The following GALNT18 variants were observed in gnomAD, a reference collection of about 807,000 sequenced individuals.
GALNT18 encodes the protein GalNAc-transferase 18.
Under a neutral mutation model 69.5 loss-of-function variants are expected in GALNT18, and 44 were observed. That is an observed-to-expected ratio of 0.63 (90% confidence interval 0.50 to 0.81). GALNT18 has a LOEUF of 0.81. Ranked by LOEUF, GALNT18 falls within the 40% of genes least tolerant of loss-of-function variation. The pLI is 0.00. For synonymous variants in GALNT18, 364 were observed against 318.2 expected, an observed-to-expected ratio of 1.14 and a Z score of -1.53; for missense variants, 715 against 810.0, an observed-to-expected ratio of 0.88 and a Z score of 1.42.
intron 8 of GALNT18, among the ~76,000 whole-genome samples, chr11:11,328,443 G>A (rs904342920): frequency 5.3e-5 from 8 of 152,216 alleles, no homozygotes; most frequent in African/African-American, 1.9e-4. Context: ...CAGGGCCTTT[G>A]TACTCCTGAT....
Position 11,496,262 on chromosome 11 carries a change from T to C in GALNT18, c.236-47326A>G, listed in dbSNP as rs1306996367. The stretch of plus-strand genomic sequence containing the variant: ...CTGACTTCATTTGATTGCAACCCTC[T>C]GCCTGAAAAATGACAGGCCCCTCTT... On this transcript the variant is annotated intron_variant, in intron 1 of 10. Coordinates refer to ENST00000227756, the MANE Select transcript of GALNT18 (RefSeq NM_198516.3). This position sits in a 1 kb window ranked among gnomAD's most constrained non-coding sequence, Gnocchi z 4.0. Among the ~76,000 whole-genome samples the C allele has an allele frequency of 6.6e-6, 1 of 152,202 alleles. No homozygotes were observed. Among genetic ancestry groups the C allele is most frequent in the African/African-American group, 2.4e-5 (1 of 41,456 alleles).
Position 11,523,071 on chromosome 11 carries a change from C to A in GALNT18, c.236-74135G>T, listed in dbSNP as rs552126468. ...TGCCAAGAAAGTAGCAATTTACATG[C>A]TTTTTCTTATTACAAGCCCTTTCAT... is the stretch of plus-strand genomic sequence containing the variant. On this transcript the variant is annotated intron_variant, in intron 1 of 10. Transcript: ENST00000227756. This position sits in a 1 kb window ranked among gnomAD's most constrained non-coding sequence, Gnocchi z 4.3. Among the ~76,000 whole-genome samples the A allele has an allele frequency of 1.3e-5, 2 of 152,208 alleles. No homozygotes were observed. Among genetic ancestry groups the A allele is most frequent in the Non-Finnish European group, 1.5e-5 (1 of 68,040 alleles).
Position 11,590,036 on chromosome 11 carries a change from C to G in GALNT18, c.235+31323G>C, listed in dbSNP as rs754783584. ...GCTCTGCCACTTGCTACCTTTGTGA[C>G]TTTACCTAGGGGTGATATTCAAATA... On this transcript the variant is annotated intron_variant, in intron 1 of 10. Transcript: ENST00000227756. The surrounding 1 kb of genome is among the most constrained non-coding windows in gnomAD (Gnocchi z 4.4). Among the ~76,000 whole-genome samples, 3 of 152,208 alleles carry G rather than the reference C, an allele frequency of 2.0e-5. No individual in the cohort carries two copies. The highest frequency in any genetic ancestry group is 4.4e-5 in the Non-Finnish European group (3 of 68,044).
At chr11:11,589,706 C>T (rs1461824139) in intron 1 of GALNT18, among the ~76,000 whole-genome samples, 2 of 152,176 alleles carry the variant, frequency 1.3e-5, no homozygotes, top group Non-Finnish European at 2.9e-5. Context: ...TCGCCCCTCA[C>T]TCCCAAGAGA....
chr11:11,523,975 C>A lies in GALNT18; in HGVS notation c.236-75039G>T, dbSNP rs747914172. On this transcript the variant is annotated intron_variant, in intron 1 of 10. Coordinates refer to ENST00000227756, the MANE Select transcript of GALNT18 (RefSeq NM_198516.3). The surrounding 1 kb of genome is among the most constrained non-coding windows in gnomAD (Gnocchi z 4.3). Reference sequence around the variant, plus strand: ...ACTGTGGATACTGGGCACTGCATTGCAGCTACCAGCACCCCAAGAACTCAA... The same window carrying A: ...ACTGTGGATACTGGGCACTGCATTGAAGCTACCAGCACCCCAAGAACTCAA... Among the ~76,000 whole-genome samples, 3 of 152,128 alleles carry A rather than the reference C, an allele frequency of 2.0e-5. No homozygotes were observed. Among genetic ancestry groups the A allele is most frequent in the Admixed American group, 1.3e-4 (2 of 15,270 alleles).
At chr11:11,518,349 C>T (rs1590067477) in intron 1 of GALNT18, among the ~76,000 whole-genome samples, 1 of 152,238 alleles carries the variant, frequency 6.6e-6, no homozygotes, top group African/African-American at 2.4e-5. Flanking sequence ...TTTAACACAA[C>T]CGTGGATCAC....
intron 3 of GALNT18, among the ~76,000 whole-genome samples, chr11:11,424,621 G>A (rs1855086053): frequency 6.6e-6 from 1 of 152,128 alleles, no homozygotes; most frequent in Admixed American, 6.5e-5. Context: ...CTGTCACACT[G>A]GTCACCTTGG....
intron 3 of GALNT18, among the ~76,000 whole-genome samples, chr11:11,407,387 G>T (rs1416566120): frequency 6.6e-6 from 1 of 152,228 alleles, no homozygotes; most frequent in Middle Eastern, 3.2e-3. Flanking sequence ...GGCCACTTCT[G>T]CAATGAAGAG....
chr11:11,332,922 A>T lies in GALNT18; in HGVS notation c.1279-91T>A. 7.0e-7 allele frequency: 1 copy of T among 1,436,996 alleles called. No homozygotes were observed. Among genetic ancestry groups the T allele is most frequent in the Non-Finnish European group, 9.6e-7 (1 of 1,039,156 alleles). The allele number at this position is 1,436,996 out of a possible 1,614,324, so 89.0% of individuals were successfully genotyped here. ...TTTGGCATGACCTTGTGCCCCCAACAAGATTCCTAGAGACTGGGGAAGGGA... is the reference window on the plus strand; with the variant it reads ...TTTGGCATGACCTTGTGCCCCCAACTAGATTCCTAGAGACTGGGGAAGGGA... On this transcript the variant is annotated intron_variant, in intron 7 of 10. Transcript: ENST00000227756. This position sits in a 1 kb window ranked among gnomAD's most constrained non-coding sequence, Gnocchi z 4.3.
chr11:11,585,155 C>A (rs1340813486), intron 1 of GALNT18, among the ~76,000 whole-genome samples: 1 of 152,046 alleles, frequency 6.6e-6, no homozygotes, highest in Non-Finnish European at 1.5e-5. Flanking sequence ...AAGATATAAG[C>A]AAAGTACAAG....
intron 1 of GALNT18, among the ~76,000 whole-genome samples, chr11:11,456,019 G>A (rs1260317192): frequency 6.6e-6 from 1 of 152,170 alleles, no homozygotes; most frequent in Non-Finnish European, 1.5e-5. Flanking sequence ...AGCCCAGGAG[G>A]TCGAGGCTGC....
chr11:11,488,444 G>A (rs1203069042), intron 1 of GALNT18, among the ~76,000 whole-genome samples: 2 of 151,926 alleles, frequency 1.3e-5, no homozygotes, highest in Admixed American at 6.6e-5. Context: ...GGACGATCCA[G>A]GATAACCTTC....
At chr11:11,556,205 G>A (rs7121726) in intron 1 of GALNT18, among the ~76,000 whole-genome samples, 34,261 of 152,192 alleles carry the variant, frequency 0.23, 4,374 homozygotes, top group Non-Finnish European at 0.28. Context: ...CATAAGGAGC[G>A]AAGGTCAAAC....
intron 1 of GALNT18, among the ~76,000 whole-genome samples, chr11:11,452,643 C>T (rs1335263351): frequency 6.6e-6 from 1 of 152,180 alleles, no homozygotes; most frequent in Non-Finnish European, 1.5e-5. Flanking sequence ...GGTCATCCAG[C>T]AAAGGGGACC....
In GALNT18 at chr11:11,591,541, C is replaced by G. The variant is rs987636665; in HGVS notation, c.235+29818G>C. ...TGGGGAGGGAGACCATAACAGCCTC[C>G]ATTTCTCTTCCTACTTTACATCTCC... On this transcript the variant is annotated intron_variant, in intron 1 of 10. Transcript: ENST00000227756. The surrounding 1 kb of genome is among the most constrained non-coding windows in gnomAD (Gnocchi z 4.8). Among the ~76,000 whole-genome samples the G allele has an allele frequency of 4.6e-5, 7 of 152,192 alleles. No homozygotes were observed. Among genetic ancestry groups the G allele is most frequent in the African/African-American group, 1.7e-4 (7 of 41,444 alleles).
In GALNT18 at chr11:11,321,122, C is replaced by T. The variant is rs536616265; in HGVS notation, c.1512+5964G>A. ...GCAAGCACAAATTCACAGTTTCCCA[C>T]GCCAACTGAATTTCAAAACAAAGGA... is the stretch of plus-strand genomic sequence containing the variant. On this transcript the variant is annotated intron_variant, in intron 9 of 10. Coordinates refer to ENST00000227756, the MANE Select transcript of GALNT18 (RefSeq NM_198516.3). Among the ~76,000 whole-genome samples, 48 of 152,300 alleles carry T rather than the reference C, an allele frequency of 3.2e-4. No individual in the cohort carries two copies. In the East Asian group the frequency reaches 3.3e-3, roughly 10 times the overall value.
At chr11:11,553,187 C>A (rs574652922) in intron 1 of GALNT18, among the ~76,000 whole-genome samples, 189 of 152,300 alleles carry the variant, frequency 1.2e-3, no homozygotes, top group Non-Finnish European at 2.3e-3. Context: ...CTCTCAAGTT[C>A]GAGAACCACT....
rs1275571629 is a variant in GALNT18 at position 11,564,163 on chromosome 11, G to T, written c.235+57196C>A. ...TAGAGAGGTAGAACAACTTTCCCAA[G>T]GCCAGAGAGTTTATAAGCTTCCACG... On this transcript the variant is annotated intron_variant, in intron 1 of 10. Transcript: ENST00000227756. This position sits in a 1 kb window ranked among gnomAD's most constrained non-coding sequence, Gnocchi z 4.3. 6.6e-6 allele frequency among the ~76,000 whole-genome samples: 1 copy of T among 152,182 alleles called. No individual in the cohort carries two copies. The highest frequency in any genetic ancestry group is 1.5e-5 in the Non-Finnish European group (1 of 68,032).
At chr11:11,316,458 A>C (rs1250402027) in intron 9 of GALNT18, among the ~76,000 whole-genome samples, 6 of 152,216 alleles carry the variant, frequency 3.9e-5, no homozygotes. Context: ...CACTGGGGCC[A>C]ATACCACACA....
Sources: gnomAD v4.1 joint callset for allele counts (sites outside exome capture counted in the v4.1 genomes callset) on GRCh38, gnomAD v4.1.1 for gene constraint, Gnocchi (gnomAD v3.1) non-coding constraint, MANE v1.5 for transcripts, NCBI Gene and HGNC (gene_info 2026-07-23, HGNC 2026-07-21) for gene names.